The following DOCK10 variants were observed in gnomAD, a reference collection of about 807,000 sequenced individuals.
The protein encoded by DOCK10 is dedicator of cytokinesis 10.
In DOCK10, 145 loss-of-function variants were observed where a neutral mutation model predicts 280.1. The observed-to-expected ratio is 0.52, with a 90% CI of 0.45 to 0.59. The LOEUF is 0.59. Among genes scored for constraint, DOCK10 ranks in the 20% least tolerant of loss-of-function variants. DOCK10 has a pLI of 0.00. For synonymous variants in DOCK10, 915 were observed against 942.2 expected, an observed-to-expected ratio of 0.97 and a Z score of 0.53; for missense variants, 2,368 against 2,651.7, an observed-to-expected ratio of 0.89 and a Z score of 2.35.
At chr2:224,896,985 A>G (rs1275143667) in intron 3 of DOCK10, among the ~76,000 whole-genome samples, 1 of 152,190 alleles carries the variant, frequency 6.6e-6, no homozygotes, top group Non-Finnish European at 1.5e-5. Context: ...ATCCTACCAG[A>G]TATGCTGCTA....
At chr2:225,024,117 A>G (rs1457228103) in intron 1 of DOCK10, among the ~76,000 whole-genome samples, 1 of 152,244 alleles carries the variant, frequency 6.6e-6, no homozygotes, top group African/African-American at 2.4e-5. Flanking sequence ...ACTGACCTGT[A>G]TTTTTCAACA....
intron 1 of DOCK10, among the ~76,000 whole-genome samples, chr2:224,976,350 G>A (rs1705439172): frequency 6.6e-6 from 1 of 152,226 alleles, no homozygotes; most frequent in East Asian, 1.9e-4. Context: ...ATGTATACCT[G>A]TGTAACAAAC....
At chr2:224,960,853 T>C (rs13032738) in intron 1 of DOCK10, among the ~76,000 whole-genome samples, 93,689 of 151,026 alleles carry the variant, frequency 0.62, 29,557 homozygotes, top group Non-Finnish European at 0.68. Context: ...CATTCTCCTG[T>C]CTCAGCCTCC....
At chr2:224,837,310 C>T (rs891935794) in intron 25 of DOCK10, among the ~76,000 whole-genome samples, 1 of 152,094 alleles carries the variant, frequency 6.6e-6, no homozygotes, top group African/African-American at 2.4e-5. Context: ...ACTTAACATA[C>T]CAGAAGCAGG....
chr2:224,901,434 A>T (rs1423695804), intron 3 of DOCK10, among the ~76,000 whole-genome samples: 1 of 152,192 alleles, frequency 6.6e-6, no homozygotes, highest in Non-Finnish European at 1.5e-5. Context: ...ATGGTTAATT[A>T]CTCCAAACAG....
At chr2:224,803,808 T>G (rs1693174960) in intron 39 of DOCK10, among the ~76,000 whole-genome samples, 1 of 152,148 alleles carries the variant, frequency 6.6e-6, no homozygotes, top group South Asian at 2.1e-4. Flanking sequence ...CAGGTTTCAT[T>G]AAATGAAAAT....
chr2:224,948,763 A>G (rs1285377247), intron 1 of DOCK10, among the ~76,000 whole-genome samples: 1 of 152,252 alleles, frequency 6.6e-6, no homozygotes, highest in Non-Finnish European at 1.5e-5. Context: ...TCTGAAAACC[A>G]TCTGTGGATC....
At position 224,881,478 on chromosome 2, in the gene DOCK10, G is replaced by C. The variant is rs374856372; in HGVS notation, c.747+4193C>G. Among the ~76,000 whole-genome samples the C allele has an allele frequency of 2.6e-4, 40 of 152,200 alleles. 2 individuals are homozygous for C. The South Asian group carries it at 8.1e-3, about 31-fold the overall frequency. ...TTTTTCTGCCCACATAGCTTATGTAGGTAGAATAAATGTATGTATGTGGGT... is the reference window on the plus strand; with the variant it reads ...TTTTTCTGCCCACATAGCTTATGTACGTAGAATAAATGTATGTATGTGGGT... On this transcript the variant is annotated intron_variant, in intron 7 of 55. Transcript: ENST00000258390.
intron 29 of DOCK10, 124 bp from the exon 30 acceptor site, chr2:224,816,837 G>C (rs13406583): frequency 0.11 from 68,860 of 600,088 alleles, 5,165 homozygotes; most frequent in African/African-American, 0.3. Context: ...TACACTTGTC[G>C]GACCACTAGG....
At chr2:224,837,878 A>G (rs1695698038) in intron 24 of DOCK10, 47 bp from the exon 25 acceptor site, 4 of 1,462,736 alleles carry the variant, frequency 2.7e-6, no homozygotes, top group Non-Finnish European at 3.8e-6. Context: ...AGGGCAGAAA[A>G]ACCCCGCTTT....
At chr2:224,928,894 A>G (rs1702175769) in intron 2 of DOCK10, among the ~76,000 whole-genome samples, 1 of 152,178 alleles carries the variant, frequency 6.6e-6, no homozygotes, top group Non-Finnish European at 1.5e-5. Context: ...CACTCCTGTG[A>G]CTTGCCCTTG....
chr2:225,041,905 G>A (rs187285713), intron 1 of DOCK10, among the ~76,000 whole-genome samples: 69 of 152,262 alleles, frequency 4.5e-4, no homozygotes, highest in African/African-American at 1.6e-3. Flanking sequence ...GGGGTCTCTG[G>A]CACTCGTATC....
rs58223345 is a variant in DOCK10 at position 224,917,101 on chromosome 2, C to CTTT, written c.244-320_244-318dup. On this transcript the variant is annotated intron_variant, in intron 2 of 55. Transcript: ENST00000258390. ...CAATTTAGCTGATTTCTATTGGAAT[C>CTTT]TTTTTTTTTTTTTTTTTTTTTTGAG... 6.9e-3 allele frequency among the ~76,000 whole-genome samples: 663 copies of CTTT among 95,648 alleles called. 13 individuals are homozygous for CTTT. The highest frequency in any genetic ancestry group is 0.012 in the African/African-American group (262 of 22,046). The allele number at this position is 95,648 out of a possible 152,430, so 62.7% of individuals were successfully genotyped here. A position where few individuals can be genotyped will look rare whatever the true frequency, so the allele number is the denominator to read the frequency against.
intron 29 of DOCK10, among the ~76,000 whole-genome samples, chr2:224,818,002 C>G (rs1694247950): frequency 6.6e-6 from 1 of 152,190 alleles, no homozygotes; most frequent in Non-Finnish European, 1.5e-5. Flanking sequence ...TGTCTTCTCT[C>G]CTTAAGAGGC....
intron 55 of DOCK10, among the ~76,000 whole-genome samples, chr2:224,767,624 T>G (rs967538044): frequency 1.3e-5 from 2 of 152,188 alleles, no homozygotes; most frequent in Non-Finnish European, 2.9e-5. Flanking sequence ...TGCCCAGATA[T>G]CTGTGGTCAT....
At chr2:225,030,309 T>C (rs1690042196) in intron 1 of DOCK10, among the ~76,000 whole-genome samples, 1 of 152,126 alleles carries the variant, frequency 6.6e-6, no homozygotes, top group African/African-American at 2.4e-5. Context: ...GAAAGGAGAA[T>C]TTTTAAGGGC....
Position 224,787,302 on chromosome 2 carries a change from A to G in DOCK10, c.5514T>C (p.Ala1838=). The change falls in exon 49 of 56, where the codon GCT becomes GCC. Residue 1838 remains alanine (A), a synonymous_variant. Coordinates refer to ENST00000258390, the MANE Select transcript of DOCK10 (RefSeq NM_014689.3). Reference sequence around the variant, plus strand: ...TGAAGTCTCGTTGTTTCTCAAAGACAGCAATGATGGGCTTGTTGACATCAG... The same window carrying G: ...TGAAGTCTCGTTGTTTCTCAAAGACGGCAATGATGGGCTTGTTGACATCAG... ...LIADVNKPII[A]VFEKQRDFKK... The G allele has an allele frequency of 6.2e-7, 1 of 1,614,030 alleles. No individual in the cohort carries two copies. Among genetic ancestry groups the G allele is most frequent in the South Asian group, 1.1e-5 (1 of 91,082 alleles).
At chr2:224,980,808 C>A (rs1325904266) in intron 1 of DOCK10, among the ~76,000 whole-genome samples, 1 of 152,034 alleles carries the variant, frequency 6.6e-6, no homozygotes, top group Admixed American at 6.6e-5. Context: ...CCTTTCTGAG[C>A]CTTTATTTTC....
chr2:224,943,924 C>T (rs570754219), intron 1 of DOCK10, among the ~76,000 whole-genome samples: 49 of 151,912 alleles, frequency 3.2e-4, no homozygotes, highest in Non-Finnish European at 6.2e-4. Flanking sequence ...CCACCACGGC[C>T]GGCTAATTTT....
Sources: allele counts gnomAD v4.1 joint callset (sites outside exome capture counted in the v4.1 genomes callset), GRCh38; gene constraint gnomAD v4.1.1; transcripts MANE v1.5; gene names NCBI Gene and HGNC (gene_info 2026-07-23, HGNC 2026-07-21).